Variants in UBE2H observed in about 807,000 individuals in gnomAD.
UBE2H encodes the protein ubiquitin conjugating enzyme E2 H.
In UBE2H, 3 loss-of-function variants were observed where a neutral mutation model predicts 29.0. The ratio of observed to expected loss-of-function variants is 0.10; its 90% CI spans 0.05 to 0.27. The LOEUF (loss-of-function observed/expected upper bound fraction) is 0.27, where lower values mean the gene tolerates loss of function less well. UBE2H is among the 10% of genes least tolerant of loss of function. The pLI is 1.00. For missense variants in UBE2H, 68 were observed against 228.2 expected, an observed-to-expected ratio of 0.30 and a Z score of 4.52; for synonymous variants, 69 against 82.9, an observed-to-expected ratio of 0.83 and a Z score of 0.91.
intron 1 of UBE2H, among the ~76,000 whole-genome samples, chr7:129,903,040 G>T (rs1405891718): frequency 1.3e-5 from 2 of 152,218 alleles, no homozygotes; most frequent in African/African-American, 2.4e-5. Flanking sequence ...TCCCTGCTCT[G>T]CATTTGGCTT....
At chr7:129,874,644 T>C (rs1164797116) in intron 3 of UBE2H, among the ~76,000 whole-genome samples, 1 of 152,140 alleles carries the variant, frequency 6.6e-6, no homozygotes, top group Non-Finnish European at 1.5e-5. Flanking sequence ...ATATTTTTTT[T>C]CCCTTGGCTT....
intron 3 of UBE2H, among the ~76,000 whole-genome samples, chr7:129,870,271 A>C (rs939185051): frequency 3.3e-5 from 5 of 151,936 alleles, no homozygotes; most frequent in African/African-American, 1.2e-4. Context: ...CCCTTTTCTA[A>C]ACATCTCTCT....
In UBE2H at chr7:129,833,786, C is replaced by T. The variant is rs1805273279; in HGVS notation, c.*1151G>A. On this transcript the variant is annotated 3_prime_UTR_variant, in exon 7 of 7. Transcript: ENST00000355621. ...TAGAACCTGTGTTGGGTCTAAAATA[C>T]CCATTTCCCACTCCCACAAGCAGAT... 1 of 151,996 alleles carries T rather than the reference C, an allele frequency of 6.6e-6. No individual in the cohort carries two copies. The highest frequency in any genetic ancestry group is 2.4e-5 in the African/African-American group (1 of 41,394). 9.4% of individuals were successfully genotyped at this position (151,996 alleles called of 1,614,324 possible). A position where few individuals can be genotyped will look rare whatever the true frequency, so the allele number is the denominator to read the frequency against.
intron 3 of UBE2H, among the ~76,000 whole-genome samples, chr7:129,868,512 G>A (rs989808948): frequency 3.4e-5 from 5 of 148,650 alleles, no homozygotes; most frequent in South Asian, 2.1e-4. Context: ...CCCGGGAAGC[G>A]GAGCTTGCAG....
At chr7:129,932,535 T>C (rs1385108828) in intron 1 of UBE2H, among the ~76,000 whole-genome samples, 5 of 151,800 alleles carry the variant, frequency 3.3e-5, no homozygotes, top group African/African-American at 4.8e-5. Context: ...GTTGACACCA[T>C]TTCATCATAC....
intron 2 of UBE2H, among the ~76,000 whole-genome samples, chr7:129,880,230 T>G (rs1806226291): frequency 6.6e-6 from 1 of 151,946 alleles, no homozygotes; most frequent in Non-Finnish European, 1.5e-5. Context: ...AAAGGACAAG[T>G]GCGGTGGGGC....
chr7:129,880,315 T>C (rs55809128), intron 2 of UBE2H, among the ~76,000 whole-genome samples: 9,527 of 152,270 alleles, frequency 0.063, 370 homozygotes, highest in Non-Finnish European at 0.092. Context: ...GAGACCAGCC[T>C]GGCCAACATG....
At chr7:129,851,182 G>T (rs1479225811) in intron 5 of UBE2H, among the ~76,000 whole-genome samples, 1 of 152,172 alleles carries the variant, frequency 6.6e-6, no homozygotes, top group African/African-American at 2.4e-5. Flanking sequence ...TCACAATGAA[G>T]AAAACAAGCT....
intron 5 of UBE2H, chr7:129,857,212 A>G (rs1805721550): frequency 3.1e-6 from 1 of 327,204 alleles, no homozygotes; most frequent in Middle Eastern, 8.4e-4. Flanking sequence ...GCTAATACAT[A>G]CATATAAAAT....
chr7:129,946,923 T>C (rs764604124), intron 1 of UBE2H, among the ~76,000 whole-genome samples: 1 of 152,210 alleles, frequency 6.6e-6, no homozygotes, highest in Non-Finnish European at 1.5e-5. Context: ...AGGTCTGGAT[T>C]ACATGCCTAA....
At chr7:129,936,807 A>G (rs1219105866) in intron 1 of UBE2H, among the ~76,000 whole-genome samples, 2 of 144,680 alleles carry the variant, frequency 1.4e-5, no homozygotes, top group African/African-American at 5.2e-5. Flanking sequence ...CTACTAGGAA[A>G]AAAAAAAAAA....
Position 129,874,231 on chromosome 7 carries a change from T to C in UBE2H, c.205+5337A>G, listed in dbSNP as rs149547330. 5.3e-5 allele frequency among the ~76,000 whole-genome samples: 8 copies of C among 151,956 alleles called. No homozygotes were observed. The East Asian group carries it at 1.5e-3, about 29-fold the overall frequency. On this transcript the variant is annotated intron_variant, in intron 3 of 6. Transcript: ENST00000355621. The stretch of plus-strand genomic sequence containing the variant: ...AGATATGATATGAAGGAGAATATAA[T>C]AGATCCAGAAGAGAACTTCTGGATG...
intron 5 of UBE2H, among the ~76,000 whole-genome samples, chr7:129,850,865 G>C: frequency 6.7e-6 from 1 of 149,254 alleles, no homozygotes; most frequent in Admixed American, 6.7e-5. Flanking sequence ...AGGGGGATGG[G>C]GGGAGGGACA....
chr7:129,928,025 TAAAAAAA>T (rs71175049), intron 1 of UBE2H, among the ~76,000 whole-genome samples: 1 of 128,550 alleles, frequency 7.8e-6, no homozygotes, highest in Non-Finnish European at 1.6e-5. Context: ...ATCTCAAAAT[TAAAAAAA>T]AAAAAAAAAA....
intron 6 of UBE2H, among the ~76,000 whole-genome samples, chr7:129,838,770 C>A (rs1281156076): frequency 6.6e-6 from 1 of 152,158 alleles, no homozygotes. Context: ...TCCCGAGTAG[C>A]TGGGACTACA....
At chr7:129,918,947 G>T (rs1379559967) in intron 1 of UBE2H, among the ~76,000 whole-genome samples, 3 of 151,888 alleles carry the variant, frequency 2.0e-5, no homozygotes, top group Non-Finnish European at 4.4e-5. Flanking sequence ...AGCCAGGTGT[G>T]GTAGTATACG....
At chr7:129,886,750 G>GGTTTATT (rs1806368339) in intron 1 of UBE2H, among the ~76,000 whole-genome samples, 1 of 78,046 alleles carries the variant, frequency 1.3e-5, no homozygotes, top group Non-Finnish European at 2.5e-5. Context: ...TTCACTACCT[G>GGTTTATT]GTTTTTTGTT....
intron 1 of UBE2H, among the ~76,000 whole-genome samples, chr7:129,895,270 G>C (rs1028480480): frequency 3.9e-5 from 6 of 152,130 alleles, no homozygotes; most frequent in African/African-American, 1.4e-4. Context: ...TGGCATGAAG[G>C]GAAGCACAGG....
At chr7:129,861,810 G>C (rs151296821) in intron 3 of UBE2H, among the ~76,000 whole-genome samples, 9,780 of 152,120 alleles carry the variant, frequency 0.064, 337 homozygotes, top group South Asian at 0.13. Flanking sequence ...AGAATTGCTT[G>C]AACCTGGGAG....
Sources: gnomAD v4.1 joint callset for allele counts (sites outside exome capture counted in the v4.1 genomes callset) on GRCh38, gnomAD v4.1.1 for gene constraint, MANE v1.5 for transcripts, NCBI Gene and HGNC (gene_info 2026-07-23, HGNC 2026-07-21) for gene names.